SLC23A1: variants seen among roughly 807,000 people sequenced by gnomAD.
The protein encoded by SLC23A1 is solute carrier family 23 member 1, also known as Na(+)/L-ascorbic acid transporter 1.
In SLC23A1, 31 loss-of-function variants were observed where a neutral mutation model predicts 62.5. That is an observed-to-expected ratio of 0.50 (90% confidence interval 0.37 to 0.67). The LOEUF is 0.67. SLC23A1 is among the 30% of genes least tolerant of loss of function. The pLI is 0.00. For missense variants in SLC23A1, 640 were observed against 782.7 expected (o/e 0.82, Z 2.18); for synonymous variants, 271 against 313.2 (o/e 0.87, Z 1.42).
chr5:139,377,530 T>C (rs1758004547), intron 12 of SLC23A1, 33 bp from the exon 13 acceptor site: 1 of 1,148,870 alleles, frequency 8.7e-7, no homozygotes, highest in South Asian at 1.2e-5. Context: ...ATGGGTGTCA[T>C]GGCCCAATCT....
upstream of SLC23A1, chr5:139,384,537 A>G: frequency 7.8e-7 from 1 of 1,289,400 alleles, no homozygotes. Flanking sequence ...CAATTTCCAA[A>G]GTTGCTGGAC....
intron 13 of SLC23A1, among the ~76,000 whole-genome samples, chr5:139,372,947 GTA>G (rs1371828979): frequency 6.6e-6 from 1 of 152,150 alleles, no homozygotes; most frequent in Non-Finnish European, 1.5e-5. Flanking sequence ...AAATCTGTGA[GTA>G]TGTGGTAATG....
intron 12 of SLC23A1, 99 bp downstream of exon 12, chr5:139,377,876 G>C (rs1758020313): frequency 1.6e-6 from 2 of 1,240,300 alleles, no homozygotes; most frequent in African/African-American, 1.5e-5. Context: ...AGTTGGGTAC[G>C]ATTTGTGGCT....
chr5:139,379,329 A>G lies in SLC23A1; in HGVS notation c.951T>C (p.Thr317=). The part of the protein sequence containing the change: ...YPCQWGLPTV[T]AAAVLGMFSA... ...TGAACATTCCCAGGACAGCAGCCGCAGTCACCGTGGGCAGGCCCCACTGAC... is the reference window on the plus strand; with the variant it reads ...TGAACATTCCCAGGACAGCAGCCGCGGTCACCGTGGGCAGGCCCCACTGAC... The change falls in exon 9 of 15, where the codon ACT becomes ACC. Residue 317 remains threonine, a synonymous_variant. Transcript: ENST00000348729. The surrounding 1 kb of genome is among the most constrained non-coding windows in gnomAD (Gnocchi z 4.7). 6.2e-7 allele frequency: 1 copy of G among 1,614,160 alleles called. No individual in the cohort carries two copies. The highest frequency in any genetic ancestry group is 1.1e-5 in the South Asian group (1 of 91,084).
At chr5:139,371,345 G>A (rs1302802273) in intron 14 of SLC23A1, among the ~76,000 whole-genome samples, 1 of 152,136 alleles carries the variant, frequency 6.6e-6, no homozygotes, top group East Asian at 1.9e-4. Flanking sequence ...CTGAGGGAAC[G>A]TGCACATTGA....
intron 14 of SLC23A1, chr5:139,368,899 C>A: frequency 1.2e-6 from 1 of 859,250 alleles, no homozygotes; most frequent in Non-Finnish European, 1.9e-6. Context: ...CTGTGTTACA[C>A]TTATGCATTG....
chr5:139,374,559 A>G (rs1419685244), intron 13 of SLC23A1, among the ~76,000 whole-genome samples: 1 of 152,242 alleles, frequency 6.6e-6, no homozygotes, highest in Non-Finnish European at 1.5e-5. Flanking sequence ...TGAGCCAGCT[A>G]GACCTTAGTT....
chr5:139,384,469 G>A, upstream of SLC23A1: 1 of 1,289,862 alleles, frequency 7.8e-7, no homozygotes, highest in Non-Finnish European at 1.0e-6. Flanking sequence ...CCGCCTGCCG[G>A]TGTCCACACT....
intron 12 of SLC23A1, 131 bp downstream of exon 12, chr5:139,377,844 T>G: frequency 2.4e-6 from 2 of 843,222 alleles, no homozygotes. Context: ...ACCCAAGCTC[T>G]CAGCTGCTGG....
chr5:139,378,682 C>A lies in SLC23A1; in HGVS notation c.1076G>T (p.Gly359Val). ...GCAGCAAATGCCTTCGGTGAAGATG[C>A]CCCTGTAAGGAAAGGGAGAGTCGGG... The part of the protein sequence containing the change: ...PPPPVHAINR[G>V]IFTEGICCII... The change falls in exon 10 of 15, where the codon GGC becomes GTC. Residue 359 changes from glycine to valine, a missense_variant and splice_region_variant. Transcript: ENST00000348729. This position sits in a 1 kb window ranked among gnomAD's most constrained non-coding sequence, Gnocchi z 4.5. 6.2e-7 allele frequency: 1 copy of A among 1,603,926 alleles called. No homozygotes were observed. The highest frequency in any genetic ancestry group is 8.5e-7 in the Non-Finnish European group (1 of 1,174,842).
At chr5:139,384,482 TC>T (rs1411967355), upstream of SLC23A1, 1 of 1,289,724 alleles carries the variant, frequency 7.8e-7, no homozygotes, top group Non-Finnish European at 1.0e-6. Flanking sequence ...TCCACACTGT[TC>T]CTCTGTCCGC....
chr5:139,382,705 CA>C, intron 1 of SLC23A1, 100 bp from the exon 2 acceptor site: 1 of 761,096 alleles, frequency 1.3e-6, no homozygotes, highest in Non-Finnish European at 2.3e-6. Flanking sequence ...GGCTTGTCAG[CA>C]ACTGAGAGCG....
chr5:139,384,682 C>T, upstream of SLC23A1: 1 of 1,202,590 alleles, frequency 8.3e-7, no homozygotes. Flanking sequence ...ACCCAAACCA[C>T]ACAACACGCA....
Position 139,373,638 on chromosome 5 carries a change from C to G in SLC23A1, c.1550-1385G>C, listed in dbSNP as rs1052254109. 2.6e-5 allele frequency among the ~76,000 whole-genome samples: 4 copies of G among 152,170 alleles called. No homozygotes were observed. In the South Asian group the frequency reaches 8.3e-4, roughly 31 times the overall value. On this transcript the variant is annotated intron_variant, in intron 13 of 14. Coordinates refer to ENST00000348729, the MANE Select transcript of SLC23A1 (RefSeq NM_005847.5). Reference sequence around the variant, plus strand: ...TGGCAGCCCAGGCTGAGAACAAACCCATGAGTAGCACAAACCAAGTTATGT... The same window carrying G: ...TGGCAGCCCAGGCTGAGAACAAACCGATGAGTAGCACAAACCAAGTTATGT...
At chr5:139,381,558 A>T (rs1401436533) in intron 3 of SLC23A1, among the ~76,000 whole-genome samples, 1 of 142,448 alleles carries the variant, frequency 7.0e-6, no homozygotes, top group Non-Finnish European at 1.5e-5. Flanking sequence ...GGTTGTGGTG[A>T]GCCGAGATCA....
chr5:139,380,684 G>A lies in SLC23A1; in HGVS notation c.398-52C>T, dbSNP rs72552252. Reference sequence around the variant, plus strand: ...ACGGACCAGGTACAGAGACAGAGAGGGAGAGAAGATGCTGCCATGGCTGCA... The same window carrying A: ...ACGGACCAGGTACAGAGACAGAGAGAGAGAGAAGATGCTGCCATGGCTGCA... On this transcript the variant is annotated intron_variant, in intron 4 of 14. Transcript: ENST00000348729. The A allele has an allele frequency of 3.2e-3, 4,947 of 1,525,604 alleles. 13 individuals carry two copies. The highest frequency in any genetic ancestry group is 4.5e-3 in the South Asian group (399 of 89,284). The allele number at this position is 1,525,604 out of a possible 1,614,324, so 94.5% of individuals were successfully genotyped here. A position where few individuals can be genotyped will look rare whatever the true frequency, so the allele number is the denominator to read the frequency against.
Position 139,380,345 on chromosome 5 carries a change from A to G in SLC23A1, c.510T>C (p.Ile170=). The change falls in exon 6 of 15, where the codon ATT becomes ATC. Residue 170 remains isoleucine (I), a synonymous_variant. Transcript: ENST00000348729. ...GGGCCCCAGGCAGCCCCAGCAGGCC[A>G]ATCACCACCTCCACCACGCTGGACA... ...IMVSSVVEVV[I]GLLGLPGALL... The G allele has an allele frequency of 6.2e-7, 1 of 1,612,424 alleles. No homozygotes were observed. Among genetic ancestry groups the G allele is most frequent in the Non-Finnish European group, 8.5e-7 (1 of 1,179,348 alleles).
At chr5:139,368,889 C>CTG (rs752685890) in intron 14 of SLC23A1, 10 of 946,054 alleles carry the variant, frequency 1.1e-5, no homozygotes, top group Middle Eastern at 2.2e-4. Flanking sequence ...TCTCTTGTCA[C>CTG]TGTGTTACAC....
intron 4 of SLC23A1, 72 bp downstream of exon 4, chr5:139,380,726 G>A: frequency 6.8e-7 from 1 of 1,462,994 alleles, no homozygotes; most frequent in South Asian, 1.1e-5. Context: ...TGTTGACCCG[G>A]GACAGTTGCT....
Sources: gnomAD v4.1 joint callset for allele counts (sites outside exome capture counted in the v4.1 genomes callset) on GRCh38, gnomAD v4.1.1 for gene constraint, Gnocchi (gnomAD v3.1) non-coding constraint, MANE v1.5 for transcripts, NCBI Gene and HGNC (gene_info 2026-07-23, HGNC 2026-07-21) for gene names.